Variants in ERG observed in about 807,000 individuals in gnomAD.
The protein encoded by ERG is ETS transcription factor ERG, also known as transcriptional regulator ERG.
In ERG, 9 loss-of-function variants were observed where a neutral mutation model predicts 55.3. That is an observed-to-expected ratio of 0.16 (90% CI 0.10 to 0.28). The LOEUF (loss-of-function observed/expected upper bound fraction) is 0.28, where lower values mean the gene tolerates loss of function less well. Ranked by LOEUF, ERG falls within the 10% of genes least tolerant of loss-of-function variation. The pLI, the probability that ERG is intolerant of heterozygous loss-of-function variation, is 1.00. For synonymous variants in ERG, 223 were observed against 237.3 expected, an observed-to-expected ratio of 0.94 and a Z score of 0.55; for missense variants, 434 against 631.6, an observed-to-expected ratio of 0.69 and a Z score of 3.35.
chr21:38,603,478 G>GC (rs2060177080), intron 1 of ERG, among the ~76,000 whole-genome samples: 1 of 151,976 alleles, frequency 6.6e-6, no homozygotes, highest in Admixed American at 6.5e-5. Context: ...AATTAGCTAG[G>GC]CGTGGTGGTG....
At chr21:38,565,941 C>T (rs1342368150) in intron 2 of ERG, among the ~76,000 whole-genome samples, 1 of 152,146 alleles carries the variant, frequency 6.6e-6, no homozygotes, top group East Asian at 1.9e-4. Flanking sequence ...GATAACGTAA[C>T]TTGTTGATAA....
At chr21:38,630,518 A>G (rs1448161331) in intron 1 of ERG, among the ~76,000 whole-genome samples, 1 of 152,166 alleles carries the variant, frequency 6.6e-6, no homozygotes, top group Non-Finnish European at 1.5e-5. Context: ...CCCTTGAGGG[A>G]TACTTTCTGG....
chr21:38,646,315 A>T (rs940229518), intron 1 of ERG, among the ~76,000 whole-genome samples: 1 of 151,726 alleles, frequency 6.6e-6, no homozygotes, highest in Admixed American at 6.6e-5. Context: ...AAACAAAAAC[A>T]AAACAGTCGC....
chr21:38,370,004 G>T, the ERG span, among the ~76,000 whole-genome samples: 3 of 152,226 alleles, frequency 2.0e-5, no homozygotes, highest in East Asian at 5.8e-4. Context: ...CCAGTACCAT[G>T]CTGTTTTGGT....
intron 1 of ERG, among the ~76,000 whole-genome samples, chr21:38,476,931 T>C (rs1285436430): frequency 6.6e-6 from 1 of 152,174 alleles, no homozygotes; most frequent in East Asian, 1.9e-4. Flanking sequence ...ACATAGTTGC[T>C]TTCATGCAGA....
chr21:38,537,444 AT>A (rs201497968), intron 2 of ERG, among the ~76,000 whole-genome samples: 25,223 of 94,324 alleles, frequency 0.27, 2,188 homozygotes, highest in African/African-American at 0.37. Flanking sequence ...AAAAAAAAAT[AT>A]ATATATATAT....
In ERG at chr21:38,383,286, A is replaced by G; in HGVS notation, c.*117T>C. ...GATCTCTTCCCCGGCTTCCTTCCCC[A>G]GCCCCAGTAAAGCTTTTTTCATTCC... On this transcript the variant is annotated 3_prime_UTR_variant, in exon 10 of 10. Transcript: ENST00000288319. The surrounding 1 kb of genome is among the most constrained non-coding windows in gnomAD (Gnocchi z 5.7). 3.7e-6 allele frequency: 5 copies of G among 1,335,870 alleles called. No individual in the cohort carries two copies. Among genetic ancestry groups the G allele is most frequent in the Non-Finnish European group, 4.8e-6 (5 of 1,040,464 alleles). 82.8% of individuals were successfully genotyped at this position (1,335,870 alleles called of 1,614,324 possible).
downstream of ERG, among the ~76,000 whole-genome samples, chr21:38,379,618 T>C (rs945616184): frequency 6.6e-6 from 1 of 152,228 alleles, no homozygotes; most frequent in Non-Finnish European, 1.5e-5. Context: ...AACAGAATAA[T>C]AGTTTAACAT....
downstream of ERG, among the ~76,000 whole-genome samples, chr21:38,376,705 C>T (rs775039032): frequency 1.5e-4 from 23 of 152,274 alleles, no homozygotes; most frequent in Non-Finnish European, 2.9e-4. Context: ...GACAGAAAAT[C>T]CTGAGGCCGC....
intron 2 of ERG, among the ~76,000 whole-genome samples, chr21:38,520,129 A>G (rs1382139475): frequency 1.3e-5 from 2 of 152,188 alleles, no homozygotes; most frequent in Non-Finnish European, 2.9e-5. Flanking sequence ...GGCAGATGAA[A>G]CGGGGGAGAA....
intron 2 of ERG, among the ~76,000 whole-genome samples, chr21:38,571,031 C>T (rs752623235): frequency 2.0e-5 from 3 of 152,138 alleles, no homozygotes; most frequent in Non-Finnish European, 4.4e-5. Flanking sequence ...AATGCTTTAT[C>T]AGAAATAGAA....
chr21:38,467,042 C>T (rs9636936), intron 1 of ERG, among the ~76,000 whole-genome samples: 2,757 of 152,234 alleles, frequency 0.018, 42 homozygotes, highest in East Asian at 0.077. Context: ...GGAGTGGCTA[C>T]AAATTCAAGA....
chr21:38,529,434 A>G (rs945763250), intron 2 of ERG, among the ~76,000 whole-genome samples: 19 of 152,138 alleles, frequency 1.2e-4, no homozygotes, highest in African/African-American at 4.6e-4. Context: ...GATGGCTATG[A>G]GGGAAAGAGG....
intron 2 of ERG, among the ~76,000 whole-genome samples, chr21:38,520,246 G>A (rs2059584601): frequency 6.6e-6 from 1 of 152,164 alleles, no homozygotes; most frequent in Non-Finnish European, 1.5e-5. Context: ...TTGTCCCTTG[G>A]GAAGAGCCAG....
At chr21:38,644,266 C>T (rs2060442962) in intron 1 of ERG, among the ~76,000 whole-genome samples, 1 of 152,178 alleles carries the variant, frequency 6.6e-6, no homozygotes, top group Non-Finnish European at 1.5e-5. Flanking sequence ...GATATTGTTA[C>T]TAAGTAGAAG....
chr21:38,604,025 G>A (rs2060181049), intron 1 of ERG, among the ~76,000 whole-genome samples: 1 of 152,012 alleles, frequency 6.6e-6, no homozygotes, highest in Non-Finnish European at 1.5e-5. Context: ...GAGGCGGGCG[G>A]ATCATGAGGT....
chr21:38,373,888 TA>T, the ERG span, among the ~76,000 whole-genome samples: 3 of 151,860 alleles, frequency 2.0e-5, no homozygotes, highest in South Asian at 4.1e-4. Flanking sequence ...TATTTTTTTT[TA>T]AGCACATGAA....
intron 1 of ERG, among the ~76,000 whole-genome samples, chr21:38,485,996 T>C (rs1365469589): frequency 6.6e-6 from 1 of 151,962 alleles, no homozygotes; most frequent in African/African-American, 2.4e-5. Context: ...TGCAGAGGCA[T>C]GATCTCAGCT....
At chr21:38,450,812 A>G in intron 1 of ERG, 1 of 430,684 alleles carries the variant, frequency 2.3e-6, no homozygotes, top group Admixed American at 2.7e-5. Flanking sequence ...ATGGCAGATA[A>G]AATAATGGGA....
Sources: gnomAD v4.1 joint callset for allele counts (sites outside exome capture counted in the v4.1 genomes callset) on GRCh38, gnomAD v4.1.1 for gene constraint, Gnocchi (gnomAD v3.1) non-coding constraint, MANE v1.5 for transcripts, NCBI Gene and HGNC (gene_info 2026-07-23, HGNC 2026-07-21) for gene names.